The following CSMD1 variants were observed in gnomAD, a reference collection of about 807,000 sequenced individuals.
CSMD1 encodes the protein CUB and Sushi multiple domains 1.
Under a neutral mutation model 417.5 loss-of-function variants are expected in CSMD1, and 213 were observed. The observed-to-expected ratio is 0.51, with a 90% CI of 0.46 to 0.57. The LOEUF (loss-of-function observed/expected upper bound fraction) is 0.57, where lower values mean the gene tolerates loss of function less well. Ranked by LOEUF, CSMD1 falls within the 20% of genes least tolerant of loss-of-function variation. The probability of loss-of-function intolerance (pLI) is 0.00; values close to 1 mark genes in which losing one functional copy is unlikely to be tolerated. For synonymous variants in CSMD1, 2,862 were observed against 1,736.8 expected (o/e 1.65, Z -16.11); for missense variants, 6,923 against 4,529.7 (o/e 1.53, Z -15.17).
intron 3 of CSMD1, among the ~76,000 whole-genome samples, chr8:4,351,387 G>A (rs748316287): frequency 2.6e-5 from 4 of 152,084 alleles, no homozygotes; most frequent in East Asian, 1.9e-4. Flanking sequence ...CTCTCTTCTC[G>A]TCTCATAGCC....
chr8:4,354,381 G>C (rs190895580), intron 3 of CSMD1, among the ~76,000 whole-genome samples: 2 of 152,220 alleles, frequency 1.3e-5, no homozygotes, highest in East Asian at 1.9e-4. Context: ...TGGTCATTTC[G>C]TAACTATTAA....
At chr8:4,218,548 T>A (rs1034207502) in intron 3 of CSMD1, among the ~76,000 whole-genome samples, 1 of 152,224 alleles carries the variant, frequency 6.6e-6, no homozygotes, top group Non-Finnish European at 1.5e-5. Flanking sequence ...TGAATTTGTT[T>A]CTGAGTCAAG....
In CSMD1 at chr8:4,434,837, G is replaced by T. The variant is rs898598908; in HGVS notation, c.303-14772C>A. Reference sequence around the variant, plus strand: ...CTTCACCAGGGCTCAACCATCCATAGCTGTCTCCTGGGCAACCGCAAGAAC... The same window carrying T: ...CTTCACCAGGGCTCAACCATCCATATCTGTCTCCTGGGCAACCGCAAGAAC... On this transcript the variant is annotated intron_variant, in intron 2 of 69. Transcript: ENST00000635120. Among the ~76,000 whole-genome samples the T allele has an allele frequency of 8.5e-5, 13 of 152,154 alleles. 1 individual carries two copies. Among genetic ancestry groups the T allele is most frequent in the African/African-American group, 2.7e-4 (11 of 41,422 alleles).
intron 2 of CSMD1, among the ~76,000 whole-genome samples, chr8:4,564,248 TACAGATA>T (rs1241858322): frequency 7.9e-5 from 12 of 152,320 alleles, no homozygotes; most frequent in African/African-American, 2.6e-4. Context: ...ACAATATCCT[TACAGATA>T]ACAGTTTTAT....
intron 3 of CSMD1, among the ~76,000 whole-genome samples, chr8:4,171,064 G>A (rs1323338260): frequency 6.6e-6 from 1 of 151,830 alleles, no homozygotes; most frequent in Non-Finnish European, 1.5e-5. Context: ...ATCTGTCAGT[G>A]TTCCCCTCCA....
intron 7 of CSMD1, among the ~76,000 whole-genome samples, chr8:3,696,490 C>A (rs562563836): frequency 1.3e-5 from 2 of 152,152 alleles, no homozygotes; most frequent in African/African-American, 2.4e-5. Context: ...GTGAACCCAA[C>A]GGATGTGACG....
rs1799574307 is a variant in CSMD1 at position 4,326,559 on chromosome 8, T to C, written c.415+93394A>G. ...AATCAAAGGTGGGCATAAAGGAAAG[T>C]GAACGTTAGAAGCAATTCCAAACTT... is the stretch of plus-strand genomic sequence containing the variant. On this transcript the variant is annotated intron_variant, in intron 3 of 69. Transcript: ENST00000635120. Among the ~76,000 whole-genome samples, 2 of 152,112 alleles carry C rather than the reference T, an allele frequency of 1.3e-5. 1 individual carries two copies. The highest frequency in any genetic ancestry group is 4.1e-4 in the South Asian group (2 of 4,824).
intron 3 of CSMD1, among the ~76,000 whole-genome samples, chr8:4,301,601 T>C (rs1797985175): frequency 1.3e-5 from 2 of 152,240 alleles, no homozygotes; most frequent in Admixed American, 6.5e-5. Context: ...CAAGATTGTA[T>C]AAGCTGAACC....
chr8:3,593,820 C>G (rs905534861), intron 8 of CSMD1, among the ~76,000 whole-genome samples: 1 of 152,170 alleles, frequency 6.6e-6, no homozygotes, highest in East Asian at 1.9e-4. Context: ...TTTGCCATCT[C>G]TTTCTCCCTA....
intron 49 of CSMD1, among the ~76,000 whole-genome samples, chr8:3,086,709 A>G (rs1476019566): frequency 1.3e-5 from 2 of 152,250 alleles, no homozygotes; most frequent in African/African-American, 4.8e-5. Flanking sequence ...TACAGAGCTT[A>G]GGGCTCAAAG....
chr8:4,415,273 C>T (rs917475875), intron 3 of CSMD1, among the ~76,000 whole-genome samples: 3 of 152,172 alleles, frequency 2.0e-5, no homozygotes, highest in African/African-American at 7.2e-5. Flanking sequence ...CCCCCTCCTC[C>T]TGTAAACCAC....
chr8:3,308,371 G>T lies in CSMD1; in HGVS notation c.3764C>A (p.Thr1255Asn), dbSNP rs748026525. ...NPGYAMHGSN[T>N]LTCLSGDRRV... ...CCTGTCTCCACTCAAACAGGTCAGG[G>T]TGTTGCTGCCATGCATGGCGTACCC... Residue 1255 changes from threonine to asparagine, a missense_variant, in exon 24 of 70, where the codon ACC becomes AAC. Transcript: ENST00000635120. 5 of 1,613,692 alleles carry T rather than the reference G, an allele frequency of 3.1e-6. No homozygotes were observed. The highest frequency in any genetic ancestry group is 2.7e-5 in the African/African-American group (2 of 74,934).
chr8:4,856,793 T>G (rs967924998), intron 1 of CSMD1, among the ~76,000 whole-genome samples: 1 of 150,338 alleles, frequency 6.7e-6, no homozygotes, highest in African/African-American at 2.5e-5. Context: ...ACAAAGAGAC[T>G]TAGACTCCCA....
chr8:4,589,957 G>C (rs2617083), intron 2 of CSMD1, among the ~76,000 whole-genome samples: 1 of 151,898 alleles, frequency 6.6e-6, no homozygotes, highest in East Asian at 1.9e-4. Flanking sequence ...GAAGTTCCTA[G>C]GTTACTAGGC....
chr8:3,387,976 G>T (rs1340217027), intron 17 of CSMD1, among the ~76,000 whole-genome samples: 1 of 152,084 alleles, frequency 6.6e-6, no homozygotes, highest in African/African-American at 2.4e-5. Context: ...GAAAATCAAT[G>T]AATTGCACTA....
chr8:4,532,297 CA>C (rs1483680507), intron 2 of CSMD1, among the ~76,000 whole-genome samples: 1 of 147,516 alleles, frequency 6.8e-6, no homozygotes, highest in African/African-American at 2.5e-5. Flanking sequence ...AGCCCATTCA[CA>C]GTCACTCCAG....
chr8:3,438,799 G>T (rs1488814826), intron 12 of CSMD1, among the ~76,000 whole-genome samples: 1 of 152,024 alleles, frequency 6.6e-6, no homozygotes, highest in East Asian at 1.9e-4. Flanking sequence ...CGGGTCATAT[G>T]ATAATTGCAT....
intron 1 of CSMD1, among the ~76,000 whole-genome samples, chr8:4,673,742 G>A (rs761651250): frequency 6.6e-6 from 1 of 152,168 alleles, no homozygotes; most frequent in Non-Finnish European, 1.5e-5. Context: ...AATGCTAAGT[G>A]TAAGAAGCCA....
intron 3 of CSMD1, among the ~76,000 whole-genome samples, chr8:4,078,203 A>G (rs1056252044): frequency 6.6e-6 from 1 of 152,174 alleles, no homozygotes; most frequent in Non-Finnish European, 1.5e-5. Flanking sequence ...CTGCATTTCT[A>G]CATCATTTTT....
Sources: gnomAD v4.1 joint callset for allele counts (sites outside exome capture counted in the v4.1 genomes callset) on GRCh38, gnomAD v4.1.1 for gene constraint, MANE v1.5 for transcripts, NCBI Gene and HGNC (gene_info 2026-07-23, HGNC 2026-07-21) for gene names.